Variants in AAK1 observed in about 807,000 individuals in gnomAD.
AAK1 encodes AP2-associated protein kinase 1.
A neutral mutation model predicts 116.0 loss-of-function variants in AAK1; 37 were observed. The observed-to-expected ratio is 0.32, with a 90% CI of 0.25 to 0.42. The LOEUF (loss-of-function observed/expected upper bound fraction) is 0.42, where lower values mean the gene tolerates loss of function less well. Among genes scored for constraint, AAK1 ranks in the 10% least tolerant of loss-of-function variants. The pLI, the probability that AAK1 is intolerant of heterozygous loss-of-function variation, is 1.00. For missense variants in AAK1, 919 were observed against 1,170.6 expected, an observed-to-expected ratio of 0.79 and a Z score of 3.14; for synonymous variants, 458 against 439.9, an observed-to-expected ratio of 1.04 and a Z score of -0.51.
chr2:69,490,987 G>A (rs1424431296), intron 17 of AAK1, among the ~76,000 whole-genome samples: 1 of 151,834 alleles, frequency 6.6e-6, no homozygotes, highest in Admixed American at 6.6e-5. Context: ...ACCCAGGCTA[G>A]AGTGTAGTAG....
chr2:69,585,465 A>T (rs1672724443), intron 2 of AAK1, among the ~76,000 whole-genome samples: 1 of 152,074 alleles, frequency 6.6e-6, no homozygotes, highest in African/African-American at 2.4e-5. Flanking sequence ...CCAAGTTCTG[A>T]CCCTGGACTG....
rs530755536 is a variant in AAK1 at position 69,578,687 on chromosome 2, G to A, written c.164-21709C>T. Among the ~76,000 whole-genome samples the A allele has an allele frequency of 2.4e-4, 37 of 151,976 alleles. No homozygotes were observed. The East Asian group carries it at 6.0e-3, about 25-fold the overall frequency. ...TCCCCTCCTGTCTCTAGAGCCCATCGTTTAGGGACTTCACTCCCTGAAGAA... is the reference window on the plus strand; with the variant it reads ...TCCCCTCCTGTCTCTAGAGCCCATCATTTAGGGACTTCACTCCCTGAAGAA... On this transcript the variant is annotated intron_variant, in intron 2 of 21. Transcript: ENST00000409085.
At position 69,541,124 on chromosome 2, in the gene AAK1, G is replaced by T. The variant is rs1670698544; in HGVS notation, c.534+1399C>A. On this transcript the variant is annotated intron_variant, in intron 5 of 21. Coordinates refer to ENST00000409085, the MANE Select transcript of AAK1 (RefSeq NM_014911.5). ...GGAGACAGAATAGGGACTGCTAATG[G>T]ATACAGGGTTTCTTTTGGGGATGAT... Among the ~76,000 whole-genome samples the T allele has an allele frequency of 2.0e-5, 3 of 152,202 alleles. No homozygotes were observed. In the South Asian group the frequency reaches 6.2e-4, roughly 32 times the overall value.
At chr2:69,613,416 T>C (rs1221999538) in intron 2 of AAK1, among the ~76,000 whole-genome samples, 3 of 152,182 alleles carry the variant, frequency 2.0e-5, no homozygotes, top group African/African-American at 7.2e-5. Context: ...ATCTCCAGAA[T>C]GCAGAGTGTC....
At chr2:69,518,522 G>A (rs570245807) in intron 12 of AAK1, among the ~76,000 whole-genome samples, 7 of 151,436 alleles carry the variant, frequency 4.6e-5, no homozygotes, top group Non-Finnish European at 7.4e-5. Context: ...GGGTTCAAGC[G>A]ATTCTTCTGC....
chr2:69,500,694 TATATACAC>T (rs1361834519), intron 16 of AAK1, among the ~76,000 whole-genome samples: 207 of 110,036 alleles, frequency 1.9e-3, no homozygotes, highest in African/African-American at 8.6e-3. Context: ...TATATATATA[TATATACAC>T]ACACACACAC....
chr2:69,525,235 G>T (rs1669974199), intron 9 of AAK1, 123 bp from the exon 10 acceptor site: 1 of 903,192 alleles, frequency 1.1e-6, no homozygotes, highest in South Asian at 1.6e-5. Flanking sequence ...TTCTGGAGCA[G>T]CTTCCAGGCC....
chr2:69,589,325 CAG>C (rs142870476), intron 2 of AAK1, among the ~76,000 whole-genome samples: 7,665 of 152,172 alleles, frequency 0.05, 457 homozygotes, highest in East Asian at 0.17. Flanking sequence ...AGCAACGAGG[CAG>C]AGAGTCAAGA....
rs531051018 is a variant in AAK1, at chr2:69,546,031, C to T, written c.283-1487G>A. Among the ~76,000 whole-genome samples the T allele has an allele frequency of 7.3e-5, 11 of 151,312 alleles. No homozygotes were observed. In the South Asian group the frequency reaches 1.0e-3, roughly 14 times the overall value. On this transcript the variant is annotated intron_variant, in intron 3 of 21. Transcript: ENST00000409085. ...TACAGGACAGGATGATGATAATTGA[C>T]GGAAAAAGTCCTATAAGTAGAAGGG...
At chr2:69,478,281 C>T (rs963552347) in intron 20 of AAK1, among the ~76,000 whole-genome samples, 1 of 152,194 alleles carries the variant, frequency 6.6e-6, no homozygotes, top group Admixed American at 6.5e-5. Flanking sequence ...TATAGGCAGG[C>T]AGTAGATAGT....
Position 69,530,562 on chromosome 2 carries a change from C to A in AAK1, c.738+63G>T, listed in dbSNP as rs1470092526. On this transcript the variant is annotated intron_variant, in intron 7 of 21. Transcript: ENST00000409085. ...CATGCTATAGCGCTGTGTGCATTAACCTTGGGAATTCACAGTCAAGACTGC... is the reference window on the plus strand; with the variant it reads ...CATGCTATAGCGCTGTGTGCATTAAACTTGGGAATTCACAGTCAAGACTGC... 8 of 1,384,286 alleles carry A rather than the reference C, an allele frequency of 5.8e-6. No homozygotes were observed. In the East Asian group the frequency reaches 6.9e-5, roughly 12 times the overall value. 85.8% of individuals were successfully genotyped at this position (1,384,286 alleles called of 1,614,324 possible).
intron 20 of AAK1, among the ~76,000 whole-genome samples, chr2:69,478,065 T>G (rs964373203): frequency 6.6e-6 from 1 of 152,102 alleles, no homozygotes; most frequent in African/African-American, 2.4e-5. Flanking sequence ...AAAATGAAAA[T>G]AGTAGATTAG....
In AAK1 at chr2:69,507,525, T is replaced by C. The variant is rs762947621; in HGVS notation, c.2060A>G (p.Tyr687Cys). 4 of 1,612,550 alleles carry C rather than the reference T, an allele frequency of 2.5e-6. No homozygotes were observed. In the South Asian group the frequency reaches 4.4e-5, roughly 18 times the overall value. ...CCACGTAGACCCTTCTGAAGGATTA[T>C]AAACGTTTTGTTGAGAGGTCCGAGG... Reference protein sequence around the residue: ...GSPRTSQQNVYNPSEGSTWNP... With the variant: ...GSPRTSQQNVCNPSEGSTWNP... Residue 687 changes from tyrosine to cysteine, a missense_variant, in exon 15 of 22, where the codon TAT (tyrosine) becomes TGT (cysteine). Tyr to Cys is a radical substitution (Grantham distance 194, BLOSUM62 -2). Coordinates refer to ENST00000409085, the MANE Select transcript of AAK1 (RefSeq NM_014911.5).
At chr2:69,608,226 G>T (rs1007026295) in intron 2 of AAK1, among the ~76,000 whole-genome samples, 1 of 152,188 alleles carries the variant, frequency 6.6e-6, no homozygotes, top group Non-Finnish European at 1.5e-5. Context: ...AAGCCAAGGC[G>T]CAACCAACAG....
At chr2:69,486,100 A>G (rs539030062) in intron 17 of AAK1, among the ~76,000 whole-genome samples, 43 of 152,044 alleles carry the variant, frequency 2.8e-4, no homozygotes, top group Non-Finnish European at 5.0e-4. Context: ...GGCTACAGGC[A>G]TGTACCACCA....
chr2:69,619,726 C>T (rs893456498), intron 2 of AAK1, among the ~76,000 whole-genome samples: 2 of 152,030 alleles, frequency 1.3e-5, no homozygotes, highest in African/African-American at 4.8e-5. Flanking sequence ...TGAGGGAGAG[C>T]AAGCTTTGGG....
intron 10 of AAK1, among the ~76,000 whole-genome samples, chr2:69,524,052 T>C (rs1166870618): frequency 6.6e-6 from 1 of 152,218 alleles, no homozygotes; most frequent in Non-Finnish European, 1.5e-5. Context: ...ATCTGCTTTT[T>C]GGAAGAACCT....
Position 69,471,249 on chromosome 2 carries a change from T to G in AAK1, c.*4620A>C. On this transcript the variant is annotated 3_prime_UTR_variant, in exon 22 of 22. Coordinates refer to ENST00000409085, the MANE Select transcript of AAK1 (RefSeq NM_014911.5). ...AACTACCACCATTTGGTAACTTCTT[T>G]GCATAGGTTAGCATTACCCAAGGAG... is the stretch of plus-strand genomic sequence containing the variant. The G allele has an allele frequency of 1.0e-6, 1 of 985,444 alleles. No homozygotes were observed. 61.0% of individuals were successfully genotyped at this position (985,444 alleles called of 1,614,324 possible). A position where few individuals can be genotyped will look rare whatever the true frequency, so the allele number is the denominator to read the frequency against.
At chr2:69,611,360 G>T (rs58564730) in intron 2 of AAK1, among the ~76,000 whole-genome samples, 17,483 of 152,208 alleles carry the variant, frequency 0.11, 2,258 homozygotes, top group African/African-American at 0.3. Context: ...TTGGGACTCG[G>T]ACCAGTGGCT....
Sources: gnomAD v4.1 joint callset for allele counts (sites outside exome capture counted in the v4.1 genomes callset) on GRCh38, gnomAD v4.1.1 for gene constraint, MANE v1.5 for transcripts, NCBI Gene and HGNC (gene_info 2026-07-23, HGNC 2026-07-21) for gene names.